RAB11FIP3: variants seen among roughly 807,000 people sequenced by gnomAD.
RAB11FIP3 encodes the protein RAB11 family interacting protein 3.
In RAB11FIP3, 17 loss-of-function variants were observed where a neutral mutation model predicts 77.8. The observed-to-expected ratio is 0.22, with a 90% CI of 0.15 to 0.33. The LOEUF (loss-of-function observed/expected upper bound fraction) is 0.33, where lower values mean the gene tolerates loss of function less well. Ranked by LOEUF, RAB11FIP3 falls within the 10% of genes least tolerant of loss-of-function variation. RAB11FIP3 has a pLI of 1.00. For synonymous variants in RAB11FIP3, 437 were observed against 448.2 expected (o/e 0.98, Z 0.31); for missense variants, 1,005 against 1,011.2 (o/e 0.99, Z 0.08).
At chr16:488,247 G>A (rs1172960025) in intron 4 of RAB11FIP3, among the ~76,000 whole-genome samples, 1 of 152,096 alleles carries the variant, frequency 6.6e-6, no homozygotes, top group Non-Finnish European at 1.5e-5. Flanking sequence ...GGGCGTGGTG[G>A]CGGGCGCCTG....
At chr16:484,785 G>A (rs1034945710) in intron 4 of RAB11FIP3, among the ~76,000 whole-genome samples, 5 of 152,224 alleles carry the variant, frequency 3.3e-5, no homozygotes, top group Admixed American at 2.6e-4. Context: ...GGCTTTGAGG[G>A]TGAAACTGCT....
chr16:492,393 TCCCCGGGAGACCCGAGGCCGC>T (rs1567391992), intron 5 of RAB11FIP3, among the ~76,000 whole-genome samples: 55 of 48,232 alleles, frequency 1.1e-3, no homozygotes, highest in Admixed American at 2.0e-3. Flanking sequence ...CCCAGAGCCC[TCCCCGGGAGACCCGAGGCCGC>T]CCAGGGCCCT....
intron 4 of RAB11FIP3, 139 bp from the exon 5 acceptor site, chr16:488,712 T>G (rs1567388029): frequency 3.4e-6 from 1 of 295,456 alleles, no homozygotes; most frequent in Non-Finnish European, 4.8e-6. Flanking sequence ...TCCAGCCCAC[T>G]TTTTTTTTTT....
At position 435,767 on chromosome 16, in the gene RAB11FIP3, T is replaced by G. The variant is rs60978629; in HGVS notation, c.714+9047T>G. On this transcript the variant is annotated intron_variant, in intron 1 of 13. Transcript: ENST00000262305. Reference sequence around the variant, plus strand: ...TAGTAAAAAAAATCATTACAGTTGGTAGAAATAAAAAAATTTAAGTAAACC... The same window carrying G: ...TAGTAAAAAAAATCATTACAGTTGGGAGAAATAAAAAAATTTAAGTAAACC... 5.0e-3 allele frequency among the ~76,000 whole-genome samples: 757 copies of G among 152,022 alleles called. 8 individuals are homozygous for G. Among genetic ancestry groups the G allele is most frequent in the African/African-American group, 0.017 (720 of 41,544 alleles).
intron 5 of RAB11FIP3, among the ~76,000 whole-genome samples, chr16:496,308 G>A (rs893134752): frequency 2.0e-5 from 3 of 152,208 alleles, no homozygotes; most frequent in African/African-American, 7.2e-5. Context: ...GACAGCTGAT[G>A]TATAATTGGC....
intron 4 of RAB11FIP3, among the ~76,000 whole-genome samples, chr16:483,945 T>C (rs1400615014): frequency 2.6e-5 from 4 of 152,106 alleles, no homozygotes; most frequent in African/African-American, 9.7e-5. Context: ...TGAAGCAGCA[T>C]CTTGCATGTA....
chr16:432,807 C>T (rs1252859337), intron 1 of RAB11FIP3, among the ~76,000 whole-genome samples: 1 of 151,292 alleles, frequency 6.6e-6, no homozygotes, highest in East Asian at 2.0e-4. Flanking sequence ...GGTTTTGTCA[C>T]GTTGGCCAGG....
intron 8 of RAB11FIP3, among the ~76,000 whole-genome samples, chr16:509,841 T>A (rs570380270): frequency 6.6e-6 from 1 of 152,268 alleles, no homozygotes; most frequent in East Asian, 1.9e-4. Context: ...CATGTGGACC[T>A]GGCATCTCAG....
chr16:519,936 C>T (rs1188870581), intron 11 of RAB11FIP3, 45 bp downstream of exon 11: 1 of 1,536,578 alleles, frequency 6.5e-7, no homozygotes, highest in Admixed American at 2.0e-5. Context: ...GCCCAGCCTG[C>T]CCCACGGGGA....
In RAB11FIP3 at chr16:461,417, C is replaced by G. The variant is rs2055603091; in HGVS notation, c.728C>G (p.Thr243Ser). Residue 243 changes from threonine to serine, a missense_variant, in exon 2 of 14, where the codon ACT (threonine) becomes AGT (serine). Physicochemically the swap from Thr to Ser is moderately conservative, Grantham distance 58. Around this residue, in one of 4 missense-constraint regions of RAB11FIP3, gnomAD observed 466 missense variants for 408.3 expected, o/e 1.14. Transcript: ENST00000262305. The surrounding 1 kb of genome is among the most constrained non-coding windows in gnomAD (Gnocchi z 4.5). ...VYGAEQVKDL[T>S]KYLDPSGLGV... is the part of the protein sequence containing the mutation. ...TGGCAATTACAGGTGAAGGACTTAA[C>G]TAAGTACTTGGATCCCAGTGGGCTC... The G allele has an allele frequency of 1.9e-6, 3 of 1,613,746 alleles. No individual in the cohort carries two copies. Among genetic ancestry groups the G allele is most frequent in the Non-Finnish European group, 1.7e-6 (2 of 1,179,766 alleles).
chr16:474,723 C>T lies in RAB11FIP3; in HGVS notation c.903+3334C>T, dbSNP rs2055869236. The T allele has an allele frequency of 5.1e-6, 5 of 983,434 alleles. No homozygotes were observed. The South Asian group carries it at 1.0e-4, about 21-fold the overall frequency. 60.9% of individuals were successfully genotyped at this position (983,434 alleles called of 1,614,324 possible). A position where few individuals can be genotyped will look rare whatever the true frequency, so the allele number is the denominator to read the frequency against. On this transcript the variant is annotated intron_variant, in intron 3 of 13. Transcript: ENST00000262305. ...ATGTGTCTTTTGTGCAAACCATTAT[C>T]AGCTTAGGAAGCCAAAAACAAAAGC... is the stretch of plus-strand genomic sequence containing the variant.
intron 1 of RAB11FIP3, among the ~76,000 whole-genome samples, chr16:428,349 C>T (rs1364728123): frequency 6.6e-6 from 1 of 152,136 alleles, no homozygotes; most frequent in East Asian, 1.9e-4. Flanking sequence ...TGTTTTGCTG[C>T]GTTTCCTTCT....
intron 9 of RAB11FIP3, among the ~76,000 whole-genome samples, chr16:517,621 G>T (rs768803420): frequency 4.6e-5 from 7 of 152,156 alleles, no homozygotes; most frequent in Non-Finnish European, 1.0e-4. Flanking sequence ...GAAAGGGCAC[G>T]CATGGGAAAG....
At chr16:493,207 T>C (rs1055092015) in intron 5 of RAB11FIP3, among the ~76,000 whole-genome samples, 11 of 141,798 alleles carry the variant, frequency 7.8e-5, no homozygotes, top group Middle Eastern at 3.5e-3. Context: ...GCCAACATCC[T>C]GCCACTGCAC....
At chr16:490,274 C>T (rs888059596) in intron 5 of RAB11FIP3, among the ~76,000 whole-genome samples, 2 of 152,240 alleles carry the variant, frequency 1.3e-5, no homozygotes, top group Non-Finnish European at 2.9e-5. Context: ...GACGCAGCAC[C>T]CCTGCCAGTG....
intron 2 of RAB11FIP3, among the ~76,000 whole-genome samples, chr16:462,442 C>T (rs911689591): frequency 3.3e-5 from 5 of 152,080 alleles, no homozygotes; most frequent in South Asian, 2.1e-4. Flanking sequence ...ACCATGTTGG[C>T]GGGGCTGGTC....
At position 505,548 on chromosome 16, in the gene RAB11FIP3, C is replaced by G. The variant is rs1215968506; in HGVS notation, c.1420C>G (p.Leu474Val). The G allele has an allele frequency of 1.2e-6, 2 of 1,608,852 alleles. No individual in the cohort carries two copies. The highest frequency in any genetic ancestry group is 1.7e-6 in the Non-Finnish European group (2 of 1,179,682). The stretch of plus-strand genomic sequence containing the variant: ...GGTTGTCTTCCTGGAAAGGCGTGTG[C>G]TGGAGCTGGAAAAGGACACGGCAGC... ...DKVVFLERRV[L>V]ELEKDTAATG... is the part of the protein sequence containing the mutation. Residue 474 changes from leucine to valine, a missense_variant, in exon 8 of 14, where the codon CTG becomes GTG. Physicochemically the swap from Leu to Val is conservative, Grantham distance 32. Coordinates refer to ENST00000262305, the MANE Select transcript of RAB11FIP3 (RefSeq NM_014700.4). The surrounding 1 kb of genome is among the most constrained non-coding windows in gnomAD (Gnocchi z 4.0).
intron 1 of RAB11FIP3, among the ~76,000 whole-genome samples, chr16:448,517 A>G (rs529999091): frequency 6.6e-6 from 1 of 152,058 alleles, no homozygotes; most frequent in African/African-American, 2.4e-5. Context: ...CAGGTGGATC[A>G]CGAGGTCAGG....
Position 488,980 on chromosome 16 carries a change from C to T in RAB11FIP3, c.1245C>T (p.Asp415=). The part of the protein sequence containing the change: ...TLCNGQLGCS[D]PAFLTPSPTK... ...GCAACGGGCAGCTGGGCTGCAGTGA[C>T]CCCGCTTTCCTCACGCCCAGGTAAT... Residue 415 remains aspartate (D), a synonymous_variant, in exon 5 of 14, where the codon GAC becomes GAT. Coordinates refer to ENST00000262305, the MANE Select transcript of RAB11FIP3 (RefSeq NM_014700.4). The T allele has an allele frequency of 6.2e-7, 1 of 1,613,886 alleles. No homozygotes were observed. The highest frequency in any genetic ancestry group is 2.2e-5 in the East Asian group (1 of 44,886).
Sources: gnomAD v4.1 joint callset for allele counts (sites outside exome capture counted in the v4.1 genomes callset) on GRCh38, gnomAD v4.1.1 for gene constraint, gnomAD v4.1.1 regional missense constraint, Gnocchi (gnomAD v3.1) non-coding constraint, MANE v1.5 for transcripts, NCBI Gene and HGNC (gene_info 2026-07-23, HGNC 2026-07-21) for gene names.